Variants in CACNA1A observed in about 807,000 individuals in gnomAD.
CACNA1A encodes the protein calcium voltage-gated channel subunit alpha1 A.
A neutral mutation model predicts 262.4 loss-of-function variants in CACNA1A; 57 were observed. That is an observed-to-expected ratio of 0.22 (90% CI 0.18 to 0.27). The LOEUF is 0.27. Ranked by LOEUF, CACNA1A falls within the 10% of genes least tolerant of loss-of-function variation. The pLI is 1.00. For synonymous variants in CACNA1A, 1,431 were observed against 1,419.3 expected (o/e 1.01, Z -0.18); for missense variants, 2,526 against 3,562.8 (o/e 0.71, Z 7.41).
chr19:13,224,437 C>T (rs548390956), intron 38 of CACNA1A, among the ~76,000 whole-genome samples: 63 of 145,764 alleles, frequency 4.3e-4, no homozygotes, highest in African/African-American at 1.6e-3. Context: ...CAGTGACTTG[C>T]GATCATGTCA....
At chr19:13,463,082 G>A (rs922433888) in intron 1 of CACNA1A, among the ~76,000 whole-genome samples, 26 of 151,718 alleles carry the variant, frequency 1.7e-4, no homozygotes, top group Non-Finnish European at 2.9e-5. Context: ...CTTTTAAGCT[G>A]GTGGTCCCCA....
At position 13,207,856 on chromosome 19, in the gene CACNA1A, C is replaced by T. The variant is rs772427988; in HGVS notation, c.6978G>A (p.Ala2326=). The T allele has an allele frequency of 6.5e-5, 94 of 1,442,012 alleles. 1 individual carries two copies. In the South Asian group the frequency reaches 9.3e-4, roughly 14 times the overall value. The allele number at this position is 1,442,012 out of a possible 1,614,324, so 89.3% of individuals were successfully genotyped here. A position where few individuals can be genotyped will look rare whatever the true frequency, so the allele number is the denominator to read the frequency against. ...TGGCCGCCCGGCCCGGCCTGGCCAC[C>T]GCCTGCTGCTGCTGCTGCTGCTGCT... is the stretch of plus-strand genomic sequence containing the variant. ...QQQQQQQQQQ[A]VARPGRAATS... is the part of the protein sequence containing the mutation. The change falls in exon 47 of 47, where the codon GCG becomes GCA. Residue 2326 remains alanine, a synonymous_variant. Transcript: ENST00000360228. This position sits in a 1 kb window ranked among gnomAD's most constrained non-coding sequence, Gnocchi z 5.7.
At chr19:13,433,591 G>A (rs575512750) in intron 3 of CACNA1A, among the ~76,000 whole-genome samples, 1 of 151,918 alleles carries the variant, frequency 6.6e-6, no homozygotes, top group Non-Finnish European at 1.5e-5. Flanking sequence ...GCTGGTAGGC[G>A]GGGGATGCAG....
chr19:13,493,263 C>A (rs1244979702), intron 1 of CACNA1A, among the ~76,000 whole-genome samples: 1 of 152,234 alleles, frequency 6.6e-6, no homozygotes, highest in South Asian at 2.1e-4. Flanking sequence ...AATCCACCCA[C>A]TCCTCTTGAA....
At chr19:13,502,075 G>A (rs1029636318) in intron 1 of CACNA1A, among the ~76,000 whole-genome samples, 29 of 151,042 alleles carry the variant, frequency 1.9e-4, no homozygotes, top group Non-Finnish European at 3.1e-4. Flanking sequence ...CTATCTCTCA[G>A]GACAGGCCAA....
chr19:13,301,062 C>G (rs1240675849), intron 17 of CACNA1A, among the ~76,000 whole-genome samples: 2 of 152,146 alleles, frequency 1.3e-5, no homozygotes, highest in Non-Finnish European at 2.9e-5. Flanking sequence ...ATCCTCCCAC[C>G]TCAGCCTCCC....
rs2059068455 is a variant in CACNA1A, at chr19:13,359,719, G to A, written c.865C>T (p.Pro289Ser). Residue 289 changes from proline (P) to serine (S), a missense_variant, in exon 6 of 47, where the codon CCC becomes TCC. Pro to Ser is a moderately conservative substitution (Grantham distance 74, BLOSUM62 -1). Coordinates refer to ENST00000360228, the MANE Select transcript of CACNA1A (RefSeq NM_001127222.2). ...CCGTTGTTGGGCCCTTCCCAGTAGG[G>A]CTGACATTTGGTCCCATTGGGGCAG... is the stretch of plus-strand genomic sequence containing the variant. ...RTCPNGTKCQ[P>S]YWEGPNNGIT... 6.3e-7 allele frequency: 1 copy of A among 1,586,270 alleles called. No individual in the cohort carries two copies. The highest frequency in any genetic ancestry group is 8.6e-7 in the Non-Finnish European group (1 of 1,165,996).
At chr19:13,340,458 ACT>A (rs1186883036) in intron 6 of CACNA1A, among the ~76,000 whole-genome samples, 1 of 128,970 alleles carries the variant, frequency 7.8e-6, no homozygotes, top group African/African-American at 3.0e-5. Context: ...ATGGAGTCTC[ACT>A]CTGTCACCCA....
rs187460075 is a variant in CACNA1A at position 13,411,441 on chromosome 19, T to C, written c.540-39662A>G. On this transcript the variant is annotated intron_variant, in intron 3 of 46. Transcript: ENST00000360228. ...AGTGAATAAGTCTCATGAGATCTGA[T>C]GGTTTTATAAATGGCACAAGCTCTC... Among the ~76,000 whole-genome samples, 7 of 152,314 alleles carry C rather than the reference T, an allele frequency of 4.6e-5. No homozygotes were observed. The East Asian group carries it at 9.6e-4, about 21-fold the overall frequency.
chr19:13,460,589 A>G (rs567719023), intron 1 of CACNA1A, among the ~76,000 whole-genome samples: 5 of 152,230 alleles, frequency 3.3e-5, no homozygotes, highest in African/African-American at 1.2e-4. Context: ...GCAAAAACAA[A>G]GTCCTTCCAG....
At chr19:13,279,933 C>T (rs1357530125) in intron 22 of CACNA1A, among the ~76,000 whole-genome samples, 1 of 151,948 alleles carries the variant, frequency 6.6e-6, no homozygotes, top group Non-Finnish European at 1.5e-5. Context: ...TTCAGCCTCC[C>T]GAGTAGCTGG....
chr19:13,465,063 G>T (rs571714618), intron 1 of CACNA1A, among the ~76,000 whole-genome samples: 4 of 151,974 alleles, frequency 2.6e-5, no homozygotes, highest in Non-Finnish European at 5.9e-5. Flanking sequence ...CGAGTAGCTG[G>T]GACTACAGGC....
intron 3 of CACNA1A, among the ~76,000 whole-genome samples, chr19:13,448,170 G>A (rs1219083342): frequency 6.6e-6 from 1 of 152,034 alleles, no homozygotes; most frequent in Non-Finnish European, 1.5e-5. Flanking sequence ...GGAATACTAT[G>A]CAGCCAAGAA....
At chr19:13,370,591 AT>A (rs35234045) in intron 4 of CACNA1A, among the ~76,000 whole-genome samples, 5,613 of 139,544 alleles carry the variant, frequency 0.04, 170 homozygotes, top group South Asian at 0.089. Flanking sequence ...ATGCCTGCTA[AT>A]TTTTTTTTTT....
intron 24 of CACNA1A, among the ~76,000 whole-genome samples, chr19:13,264,978 G>A (rs2056828510): frequency 6.6e-6 from 1 of 151,394 alleles, no homozygotes; most frequent in African/African-American, 2.4e-5. Flanking sequence ...GGGTTCAAGT[G>A]ATTCTCCCAC....
chr19:13,346,635 TATATATA>T (rs2058772464), intron 6 of CACNA1A, among the ~76,000 whole-genome samples: 1 of 4,516 alleles, frequency 2.2e-4, no homozygotes, highest in Non-Finnish European at 4.9e-4. Context: ...TATATATATA[TATATATA>T]TATATATATA....
At chr19:13,470,423 T>G (rs988472501) in intron 1 of CACNA1A, among the ~76,000 whole-genome samples, 1 of 152,174 alleles carries the variant, frequency 6.6e-6, no homozygotes, top group African/African-American at 2.4e-5. Flanking sequence ...TTAATGTTGT[T>G]CTAGTTTTCC....
chr19:13,486,302 C>T (rs767018021), intron 1 of CACNA1A, among the ~76,000 whole-genome samples: 2 of 151,982 alleles, frequency 1.3e-5, no homozygotes, highest in Non-Finnish European at 2.9e-5. Context: ...AATGGGTGTA[C>T]GCTTCATGGT....
intron 4 of CACNA1A, chr19:13,370,765 A>G (rs1482313234): frequency 7.4e-6 from 1 of 135,684 alleles, no homozygotes; most frequent in Non-Finnish European, 1.6e-5. Flanking sequence ...ATTTGTAGAT[A>G]TTGGCGGGGG....
Sources: gnomAD v4.1 joint callset for allele counts (sites outside exome capture counted in the v4.1 genomes callset) on GRCh38, gnomAD v4.1.1 for gene constraint, Gnocchi (gnomAD v3.1) non-coding constraint, MANE v1.5 for transcripts, NCBI Gene and HGNC (gene_info 2026-07-23, HGNC 2026-07-21) for gene names.